ANAPC11: variants seen among roughly 807,000 people sequenced by gnomAD.
ANAPC11 encodes anaphase-promoting complex subunit 11.
Under a neutral mutation model 11.8 loss-of-function variants are expected in ANAPC11, and 5 were observed. The ratio of observed to expected loss-of-function variants is 0.42; its 90% CI spans 0.22 to 0.89. The LOEUF is 0.89. Among genes scored for constraint, ANAPC11 ranks in the 40% least tolerant of loss-of-function variants. The pLI is 0.28. For synonymous variants in ANAPC11, 45 were observed against 41.0 expected (o/e 1.10, Z -0.38); for missense variants, 68 against 112.9 (o/e 0.60, Z 1.80).
chr17:81,894,659 G>A, intron 3 of ANAPC11, 73 bp downstream of exon 3: 1 of 930,418 alleles, frequency 1.1e-6, no homozygotes, highest in East Asian at 2.8e-5. Flanking sequence ...GCTGCCTGCT[G>A]GACTAGCCTC....
At chr17:81,894,441 C>T (rs781169559) in intron 2 of ANAPC11, 26 bp from the exon 3 acceptor site, 146 of 1,427,772 alleles carry the variant, frequency 1.0e-4, no homozygotes, top group Non-Finnish European at 1.4e-4. Flanking sequence ...TCAATTTAGC[C>T]AGTCGTCCTG....
chr17:81,894,636 C>G lies in ANAPC11; in HGVS notation c.109+50C>G, dbSNP rs545558314. The G allele has an allele frequency of 2.2e-4, 294 of 1,313,668 alleles. 3 individuals are homozygous for G. In the South Asian group the frequency reaches 3.7e-3, roughly 17 times the overall value. 81.4% of individuals were successfully genotyped at this position (1,313,668 alleles called of 1,614,324 possible). A position where few individuals can be genotyped will look rare whatever the true frequency, so the allele number is the denominator to read the frequency against. ...GAGCGGCCCCGACTGTGAGTGTCCCCTCTGTGCTGTCTGCTGCCTGCTGGA... is the reference window on the plus strand; with the variant it reads ...GAGCGGCCCCGACTGTGAGTGTCCCGTCTGTGCTGTCTGCTGCCTGCTGGA... On this transcript the variant is annotated intron_variant, in intron 3 of 3. Coordinates refer to ENST00000344877, the MANE Select transcript of ANAPC11 (RefSeq NM_001002248.3).
At chr17:81,896,483 A>G (rs1039981802) in intron 3 of ANAPC11, among the ~76,000 whole-genome samples, 3 of 152,214 alleles carry the variant, frequency 2.0e-5, no homozygotes, top group Admixed American at 6.6e-5. Context: ...AGAGTTTTGC[A>G]TCAGCGAAAT....
chr17:81,896,694 G>A lies in ANAPC11; in HGVS notation c.109+2108G>A, dbSNP rs144130608. Among the ~76,000 whole-genome samples the A allele has an allele frequency of 3.4e-3, 511 of 151,810 alleles. 4 individuals carry two copies. Among genetic ancestry groups the A allele is most frequent in the Middle Eastern group, 6.8e-3 (2 of 294 alleles). On this transcript the variant is annotated intron_variant, in intron 3 of 3. Transcript: ENST00000344877. ...GGTGCATGCCCATATTGATTGACAGGGTCTCACTGTGTTGCCCAAGCTGGA... is the reference window on the plus strand; with the variant it reads ...GGTGCATGCCCATATTGATTGACAGAGTCTCACTGTGTTGCCCAAGCTGGA...
At chr17:81,896,798 CTTTTTTTTTTTTTTTTTTTTTT>C (rs1156391578) in intron 3 of ANAPC11, among the ~76,000 whole-genome samples, 1 of 42,876 alleles carries the variant, frequency 2.3e-5, no homozygotes. Context: ...GCCTCCTTTG[CTTTTTTTTTTTTTTTTTTTTTT>C]TTTTTTTTTT....
intron 3 of ANAPC11, among the ~76,000 whole-genome samples, chr17:81,895,620 T>C (rs577327485): frequency 6.6e-6 from 1 of 151,642 alleles, no homozygotes; most frequent in African/African-American, 2.4e-5. Flanking sequence ...GCCGGCACGG[T>C]GGCTCACACC....
chr17:81,897,285 C>T (rs532151316), intron 3 of ANAPC11, among the ~76,000 whole-genome samples: 1 of 152,288 alleles, frequency 6.6e-6, no homozygotes, highest in Non-Finnish European at 1.5e-5. Context: ...AGGCATGAGC[C>T]ACTGCGCCCA....
In ANAPC11 at chr17:81,900,075, T is replaced by A; in HGVS notation, c.*10T>A. ...GAAGTTCAAGGAGTGAGGCCCGACC[T>A]GGCTCTCGCTGGAGGGGCATCCTGA... On this transcript the variant is annotated 3_prime_UTR_variant, in exon 4 of 4. Transcript: ENST00000344877. The A allele has an allele frequency of 6.2e-7, 1 of 1,612,120 alleles. No homozygotes were observed. Among genetic ancestry groups the A allele is most frequent in the Non-Finnish European group, 8.5e-7 (1 of 1,179,692 alleles).
At position 81,899,965 on chromosome 17, in the gene ANAPC11, C is replaced by T; in HGVS notation, c.155C>T (p.Ser52Phe). 6.2e-7 allele frequency: 1 copy of T among 1,612,950 alleles called. No homozygotes were observed. Among genetic ancestry groups the T allele is most frequent in the Non-Finnish European group, 8.5e-7 (1 of 1,179,836 alleles). ...DDCPLVWGQCSHCFHMHCILK... is the reference protein window; with the variant it reads ...DDCPLVWGQCFHCFHMHCILK... ...TGCCCGCTGGTGTGGGGCCAGTGCT[C>T]CCACTGCTTCCACATGCATTGCATC... The change falls in exon 4 of 4, where the codon TCC becomes TTC. Residue 52 changes from serine (S) to phenylalanine (F), a missense_variant. Physicochemically the swap from Ser to Phe is radical, Grantham distance 155. Transcript: ENST00000344877.
chr17:81,899,936 C>T lies in ANAPC11; in HGVS notation c.126C>T (p.Asp42=), dbSNP rs137864015. ...CCTCCGTAGGCAAGGTGCCCGGCGA[C>T]GACTGCCCGCTGGTGTGGGGCCAGT... ...GCCPDCKVPG[D]DCPLVWGQCS... Residue 42 remains aspartate, a synonymous_variant, in exon 4 of 4, where the codon GAC becomes GAT. Transcript: ENST00000344877. 4.5e-4 allele frequency: 719 copies of T among 1,609,476 alleles called. 3 individuals are homozygous for T. The South Asian group carries it at 6.3e-3, about 14-fold the overall frequency.
intron 2 of ANAPC11, among the ~76,000 whole-genome samples, 161 bp downstream of exon 2, chr17:81,893,775 T>G (rs1332108145): frequency 6.9e-6 from 1 of 144,440 alleles, no homozygotes; most frequent in Non-Finnish European, 1.5e-5. Context: ...TTTTTTTTTT[T>G]TGGTAGAGAC....
chr17:81,891,308 G>T (rs1336043158), upstream of ANAPC11: 6 of 1,137,270 alleles, frequency 5.3e-6, no homozygotes, highest in Non-Finnish European at 6.5e-6. Context: ...CGGCGCGGCC[G>T]GCCTCCGCAC....
chr17:81,898,306 A>G (rs2039811084), intron 3 of ANAPC11: 2 of 152,248 alleles, frequency 1.3e-5, no homozygotes. Context: ...GGTGCTAGGT[A>G]GCCCCCAAGT....
intron 3 of ANAPC11, among the ~76,000 whole-genome samples, chr17:81,896,526 A>G (rs796191419): frequency 3.3e-5 from 5 of 152,356 alleles, no homozygotes; most frequent in African/African-American, 1.2e-4. Flanking sequence ...AGCGTAAAGC[A>G]GAAGCAAGGG....
intron 3 of ANAPC11, among the ~76,000 whole-genome samples, chr17:81,897,434 CT>C (rs748745596): frequency 5.3e-5 from 8 of 152,118 alleles, no homozygotes; most frequent in South Asian, 2.1e-4. Context: ...GCACCCGCCC[CT>C]GTCTTTGCTT....
chr17:81,890,971 C>A, upstream of ANAPC11: 1 of 1,231,412 alleles, frequency 8.1e-7, no homozygotes, highest in Non-Finnish European at 1.1e-6. Flanking sequence ...CTGCAGCTGC[C>A]CCAGCCCGAG....
At position 81,900,039 on chromosome 17, in the gene ANAPC11, C is replaced by T. The variant is rs752711149; in HGVS notation, c.229C>T (p.Arg77Cys). The T allele has an allele frequency of 1.9e-6, 3 of 1,612,578 alleles. No individual in the cohort carries two copies. Among genetic ancestry groups the T allele is most frequent in the East Asian group, 2.2e-5 (1 of 44,890 alleles). Reference sequence around the variant, plus strand: ...GGTGCAGCAGCACTGCCCCATGTGCCGCCAGGAATGGAAGTTCAAGGAGTG... The same window carrying T: ...GGTGCAGCAGCACTGCCCCATGTGCTGCCAGGAATGGAAGTTCAAGGAGTG... ...QQVQQHCPMC[R>C]QEWKFKE Residue 77 changes from arginine (R) to cysteine (C), a missense_variant, in exon 4 of 4, where the codon CGC becomes TGC. Physicochemically the swap from Arg to Cys is radical, Grantham distance 180. Transcript: ENST00000344877.
chr17:81,894,135 G>A lies in ANAPC11; in HGVS notation c.-11-332G>A, dbSNP rs528155934. ...TACTAAAAATACAAAAATTAGTCGG[G>A]CGTGGAGTCACGTGCCTATAGCCTC... is the stretch of plus-strand genomic sequence containing the variant. On this transcript the variant is annotated intron_variant, in intron 2 of 3. Transcript: ENST00000344877. Among the ~76,000 whole-genome samples, 154 of 151,836 alleles carry A rather than the reference G, an allele frequency of 1.0e-3. 1 individual carries two copies. Among genetic ancestry groups the A allele is most frequent in the Non-Finnish European group, 2.1e-4 (14 of 67,960 alleles).
chr17:81,896,467 G>A (rs1268580403), intron 3 of ANAPC11, among the ~76,000 whole-genome samples: 1 of 152,190 alleles, frequency 6.6e-6, no homozygotes, highest in Non-Finnish European at 1.5e-5. Flanking sequence ...TGTTTAGGTT[G>A]AAAGCAGAGT....
Sources: allele counts gnomAD v4.1 joint callset (sites outside exome capture counted in the v4.1 genomes callset), GRCh38; gene constraint gnomAD v4.1.1; transcripts MANE v1.5; gene names NCBI Gene and HGNC (gene_info 2026-07-23, HGNC 2026-07-21).